Variants in RSF1 observed in about 807,000 individuals in gnomAD.
RSF1 encodes the protein remodeling and spacing factor 1, also known as HBV pX-associated protein 8.
In RSF1, 13 loss-of-function variants were observed where a neutral mutation model predicts 145.2. The observed-to-expected ratio is 0.09, with a 90% confidence interval of 0.06 to 0.14. RSF1 has a LOEUF of 0.14. RSF1 is among the 10% of genes least tolerant of loss of function. The pLI, the probability that RSF1 is intolerant of heterozygous loss-of-function variation, is 1.00. For synonymous variants in RSF1, 577 were observed against 592.6 expected (o/e 0.97, Z 0.38); for missense variants, 1,517 against 1,718.2 (o/e 0.88, Z 2.07).
At chr11:77,739,217 G>A (rs1565165731) in intron 4 of RSF1, 1 of 152,588 alleles carries the variant, frequency 6.6e-6, no homozygotes, top group Non-Finnish European at 1.5e-5. Flanking sequence ...GAGATTACAG[G>A]TGTGAACCAC....
At chr11:77,711,695 CTT>C (rs1960689982) in intron 5 of RSF1, among the ~76,000 whole-genome samples, 3 of 151,894 alleles carry the variant, frequency 2.0e-5, no homozygotes, top group Admixed American at 2.0e-4. Context: ...AACAAACAAA[CTT>C]AAAGTGCACT....
chr11:77,860,045 A>C, the RSF1 span, among the ~76,000 whole-genome samples: 1 of 152,180 alleles, frequency 6.6e-6, no homozygotes, highest in African/African-American at 2.4e-5. Context: ...TTGCCACTAC[A>C]TCAGTTTTCT....
intron 1 of RSF1, among the ~76,000 whole-genome samples, chr11:77,815,960 T>C (rs1316453816): frequency 6.6e-6 from 1 of 152,194 alleles, no homozygotes; most frequent in Non-Finnish European, 1.5e-5. Context: ...AACAGGCTCA[T>C]GTTAGCCAGA....
intron 4 of RSF1, chr11:77,734,718 A>G: frequency 7.0e-7 from 1 of 1,438,362 alleles, no homozygotes; most frequent in South Asian, 1.1e-5. Context: ...AATGTAATGC[A>G]CACTCCATCA....
At chr11:77,727,662 T>C (rs1313717324) in intron 4 of RSF1, among the ~76,000 whole-genome samples, 1 of 151,976 alleles carries the variant, frequency 6.6e-6, no homozygotes, top group Non-Finnish European at 1.5e-5. Context: ...GTAATTTTAG[T>C]AGAGATGAGG....
At chr11:77,752,684 G>A (rs1281650955) in intron 2 of RSF1, among the ~76,000 whole-genome samples, 3 of 152,104 alleles carry the variant, frequency 2.0e-5, no homozygotes, top group East Asian at 3.8e-4. Flanking sequence ...TGTCGCCCCA[G>A]ATGAGGTCGC....
intron 9 of RSF1, among the ~76,000 whole-genome samples, chr11:77,685,555 C>T (rs1959981270): frequency 6.6e-6 from 1 of 152,226 alleles, no homozygotes; most frequent in Admixed American, 6.5e-5. Context: ...CTTGACCTCT[C>T]AAAGTGCTGG....
At chr11:77,868,009 A>G in the RSF1 span, among the ~76,000 whole-genome samples, 2 of 151,186 alleles carry the variant, frequency 1.3e-5, no homozygotes, top group South Asian at 2.1e-4. Flanking sequence ...TCTACAAACA[A>G]GTTGTACTGA....
intron 4 of RSF1, among the ~76,000 whole-genome samples, chr11:77,732,721 G>T (rs535052239): frequency 3.0e-4 from 46 of 152,278 alleles, no homozygotes; most frequent in Middle Eastern, 3.4e-3. Context: ...GGCATGACTT[G>T]CTCCTTCTTG....
intron 1 of RSF1, among the ~76,000 whole-genome samples, chr11:77,790,656 G>A (rs1234546433): frequency 2.0e-5 from 3 of 152,196 alleles, no homozygotes; most frequent in Admixed American, 1.3e-4. Flanking sequence ...CAATGGGGGT[G>A]CAGGAAGTTG....
intron 1 of RSF1, among the ~76,000 whole-genome samples, chr11:77,765,904 C>T (rs1298494516): frequency 6.6e-6 from 1 of 152,128 alleles, no homozygotes; most frequent in Non-Finnish European, 1.5e-5. Flanking sequence ...CCCACCACTA[C>T]TCCCGGCTAG....
At chr11:77,860,422 G>A in the RSF1 span, among the ~76,000 whole-genome samples, 2 of 152,358 alleles carry the variant, frequency 1.3e-5, no homozygotes, top group South Asian at 4.1e-4. Flanking sequence ...GAGGGCCCTG[G>A]TGCCTTAGGA....
In RSF1 at chr11:77,702,421, C is replaced by T. The variant is rs754125186; in HGVS notation, c.808G>A (p.Val270Ile). The T allele has an allele frequency of 1.3e-6, 2 of 1,594,520 alleles. No individual in the cohort carries two copies. Among genetic ancestry groups the T allele is most frequent in the East Asian group, 4.5e-5 (2 of 44,692 alleles). The change falls in exon 6 of 16, where the codon GTT (valine) becomes ATT (isoleucine). Residue 270 changes from valine to isoleucine, a missense_variant. Physicochemically the swap from Val to Ile is conservative, Grantham distance 29. Around this residue, in one of 12 missense-constraint regions of RSF1, gnomAD observed 207 missense variants for 191.4 expected, o/e 1.08. Coordinates refer to ENST00000308488, the MANE Select transcript of RSF1 (RefSeq NM_016578.4). ...MDLENRSTANVLEETTVKKEK... is the reference protein window; with the variant it reads ...MDLENRSTANILEETTVKKEK... ...TTTTTCACAGTAGTCTCTTCTAGAA[C>T]ATTGGCTGTAGAACGGTTTTCTAAA... is the stretch of plus-strand genomic sequence containing the variant.
chr11:77,774,381 T>C (rs975440826), intron 1 of RSF1, among the ~76,000 whole-genome samples: 1 of 151,916 alleles, frequency 6.6e-6, no homozygotes, highest in Non-Finnish European at 1.5e-5. Context: ...GGCAGGCAGA[T>C]CACGAGGTCA....
At chr11:77,752,489 C>T (rs1162709618) in intron 2 of RSF1, among the ~76,000 whole-genome samples, 1 of 152,096 alleles carries the variant, frequency 6.6e-6, no homozygotes, top group African/African-American at 2.4e-5. Flanking sequence ...TTAGACACCA[C>T]CTCCCCATCA....
At chr11:77,798,177 T>G (rs1486685063) in intron 1 of RSF1, among the ~76,000 whole-genome samples, 1 of 152,186 alleles carries the variant, frequency 6.6e-6, no homozygotes, top group Non-Finnish European at 1.5e-5. Flanking sequence ...CAAAGGATTA[T>G]AAATCATTCT....
intron 5 of RSF1, among the ~76,000 whole-genome samples, chr11:77,717,083 C>T (rs1040286719): frequency 1.4e-5 from 2 of 146,964 alleles, no homozygotes; most frequent in African/African-American, 5.0e-5. Context: ...GGGTCTGAGG[C>T]GGAAGGATCA....
intron 11 of RSF1, among the ~76,000 whole-genome samples, chr11:77,682,373 T>C (rs1590826995): frequency 1.3e-5 from 2 of 152,208 alleles, no homozygotes; most frequent in African/African-American, 4.8e-5. Context: ...TGATTTGGTG[T>C]TATCCCAGCA....
At chr11:77,716,605 G>A (rs145731194) in intron 5 of RSF1, among the ~76,000 whole-genome samples, 2 of 152,058 alleles carry the variant, frequency 1.3e-5, no homozygotes, top group Non-Finnish European at 2.9e-5. Flanking sequence ...TGGTTATGAG[G>A]GACTGAAGGT....
Sources: gnomAD v4.1 joint callset for allele counts (sites outside exome capture counted in the v4.1 genomes callset) on GRCh38, gnomAD v4.1.1 for gene constraint, gnomAD v4.1.1 regional missense constraint, MANE v1.5 for transcripts, NCBI Gene and HGNC (gene_info 2026-07-23, HGNC 2026-07-21) for gene names.